C11orf58: variants seen among roughly 807,000 people sequenced by gnomAD.
The protein encoded by C11orf58 is small acidic protein.
In C11orf58, 5 loss-of-function variants were observed where a neutral mutation model predicts 22.7. The ratio of observed to expected loss-of-function variants is 0.22; its 90% CI spans 0.12 to 0.46. The LOEUF is 0.46. C11orf58 is among the 20% of genes least tolerant of loss of function. The pLI, the probability that C11orf58 is intolerant of heterozygous loss-of-function variation, is 0.99. For missense variants in C11orf58, 151 were observed against 223.3 expected, an observed-to-expected ratio of 0.68 and a Z score of 2.06; for synonymous variants, 71 against 70.7, an observed-to-expected ratio of 1.00 and a Z score of -0.02.
At chr11:16,738,944 G>A in intron 1 of C11orf58, 103 bp downstream of exon 1, 1 of 1,291,572 alleles carries the variant, frequency 7.7e-7, no homozygotes, top group Non-Finnish European at 1.1e-6. Flanking sequence ...GGCCTGCAGC[G>A]GGAGAGCCCA....
At chr11:16,744,968 C>T (rs1415300732) in intron 2 of C11orf58, among the ~76,000 whole-genome samples, 1 of 152,094 alleles carries the variant, frequency 6.6e-6, no homozygotes, top group African/African-American at 2.4e-5. Flanking sequence ...TTATGATTTG[C>T]CATATGTTGG....
At chr11:16,742,007 C>T (rs1053836869) in intron 1 of C11orf58, among the ~76,000 whole-genome samples, 2 of 152,176 alleles carry the variant, frequency 1.3e-5, no homozygotes, top group South Asian at 2.1e-4. Flanking sequence ...TTGTCTTCCA[C>T]GAAACTGGTC....
At chr11:16,741,036 C>T (rs1028885321) in intron 1 of C11orf58, among the ~76,000 whole-genome samples, 1 of 149,416 alleles carries the variant, frequency 6.7e-6, no homozygotes, top group Non-Finnish European at 1.5e-5. Context: ...GCGGAGCTTG[C>T]AGTGAGCCAA....
intron 2 of C11orf58, chr11:16,746,641 T>C (rs1394536336): frequency 1.3e-5 from 2 of 152,180 alleles, no homozygotes; most frequent in Non-Finnish European, 2.9e-5. Flanking sequence ...TAATATAAAA[T>C]ATATGGAAGT....
intron 1 of C11orf58, among the ~76,000 whole-genome samples, chr11:16,741,371 A>G (rs1432923816): frequency 6.6e-6 from 1 of 152,216 alleles, no homozygotes; most frequent in Non-Finnish European, 1.5e-5. Context: ...GGTATTAAGG[A>G]TGAAAACAAC....
In C11orf58 at chr11:16,757,413, A is replaced by G. The variant is rs933420898; in HGVS notation, c.*2309A>G. Among the ~76,000 whole-genome samples the G allele has an allele frequency of 3.9e-5, 6 of 152,246 alleles. No individual in the cohort carries two copies. Among genetic ancestry groups the G allele is most frequent in the Non-Finnish European group, 8.8e-5 (6 of 68,048 alleles). On this transcript the variant is annotated 3_prime_UTR_variant, in exon 5 of 5. Transcript: ENST00000228136. The stretch of plus-strand genomic sequence containing the variant: ...ACTTTCTTCATCTCCGTATAGAGAA[A>G]TCCAGATTTCAATTAATTCATTTAT...
intron 2 of C11orf58, chr11:16,747,160 T>C (rs1160037606): frequency 6.6e-6 from 1 of 152,266 alleles, no homozygotes; most frequent in African/African-American, 2.4e-5. Flanking sequence ...ATCTTGTTAA[T>C]GGCTGTCAGT....
rs201105670 is a variant in C11orf58 at position 16,752,541 on chromosome 11, CTTA to C, written c.209-239_209-237del. The C allele has an allele frequency of 4.8e-3, 1,230 of 257,894 alleles. 19 individuals are homozygous for C. The highest frequency in any genetic ancestry group is 0.023 in the African/African-American group (1,038 of 45,050). The allele number at this position is 257,894 out of a possible 1,614,324, so 16.0% of individuals were successfully genotyped here. A position where few individuals can be genotyped will look rare whatever the true frequency, so the allele number is the denominator to read the frequency against. On this transcript the variant is annotated intron_variant, in intron 3 of 4. Coordinates refer to ENST00000228136, the MANE Select transcript of C11orf58 (RefSeq NM_014267.6). ...AAAAAATCTTTCAGGATAACATCTA[CTTA>C]TTATAAGTAAGCTAAAACATTTAAT...
rs1848584920 is a variant in C11orf58, at chr11:16,756,997, G to A, written c.*1893G>A. On this transcript the variant is annotated 3_prime_UTR_variant, in exon 5 of 5. Transcript: ENST00000228136. ...TCTGGTTGATAGACTCTATCTTGCA[G>A]TATATTTATTTCATGTATCAGACCC... 1.3e-5 allele frequency: 2 copies of A among 151,454 alleles called. No homozygotes were observed. The highest frequency in any genetic ancestry group is 4.8e-5 in the African/African-American group (2 of 41,248). 9.4% of individuals were successfully genotyped at this position (151,454 alleles called of 1,614,324 possible).
intron 3 of C11orf58, chr11:16,748,983 A>G (rs1223404077): frequency 1.3e-5 from 2 of 152,170 alleles, no homozygotes; most frequent in East Asian, 3.8e-4. Context: ...TTCTTTGTAT[A>G]TTAGCATATA....
Position 16,754,944 on chromosome 11 carries a change from A to G in C11orf58, c.392A>G (p.Glu131Gly). ...DDDDDDSPDPESPDDSESDSE... is the reference protein window; with the variant it reads ...DDDDDDSPDPGSPDDSESDSE... The stretch of plus-strand genomic sequence containing the variant: ...GACGATGATGATTCACCTGATCCTG[A>G]AAGTCCAGATGATTCTGAAAGCGAT... Residue 131 changes from glutamate (E) to glycine (G), a missense_variant, in exon 5 of 5, where the codon GAA (glutamate) becomes GGA (glycine). This residue lies in a region of C11orf58 where 112 missense variants were observed against 162.6 expected (regional missense o/e 0.69). Coordinates refer to ENST00000228136, the MANE Select transcript of C11orf58 (RefSeq NM_014267.6). The G allele has an allele frequency of 3.1e-6, 5 of 1,614,134 alleles. No individual in the cohort carries two copies. The highest frequency in any genetic ancestry group is 4.2e-6 in the Non-Finnish European group (5 of 1,180,020).
chr11:16,749,994 T>C (rs1564884441), intron 3 of C11orf58: 1 of 152,246 alleles, frequency 6.6e-6, no homozygotes, highest in Non-Finnish European at 1.5e-5. Flanking sequence ...AGTCACAGTT[T>C]TGGTAAGCCC....
At chr11:16,746,692 CTCTT>C (rs1359880882) in intron 2 of C11orf58, 1 of 151,758 alleles carries the variant, frequency 6.6e-6, no homozygotes, top group Non-Finnish European at 1.5e-5. Flanking sequence ...AGATTAAATT[CTCTT>C]TTTTTTGTTG....
intron 3 of C11orf58, chr11:16,752,098 G>A (rs1848537934): frequency 1.3e-5 from 2 of 157,828 alleles, no homozygotes; most frequent in Non-Finnish European, 1.4e-5. Flanking sequence ...GGGTGTCACT[G>A]TCTCCCATCA....
Position 16,758,022 on chromosome 11 carries a change from T to TAA in C11orf58, c.*2918_*2919insAA, listed in dbSNP as rs1473368887. Among the ~76,000 whole-genome samples the TAA allele has an allele frequency of 6.6e-6, 1 of 152,224 alleles. No homozygotes were observed. The highest frequency in any genetic ancestry group is 2.4e-5 in the African/African-American group (1 of 41,456). ...CACACAGGGCTTTGGTTCCATTACT[T>TAA]GTTTCCACCACAGCCACATCCTAAA... On this transcript the variant is annotated 3_prime_UTR_variant, in exon 5 of 5. Coordinates refer to ENST00000228136, the MANE Select transcript of C11orf58 (RefSeq NM_014267.6).
chr11:16,738,987 C>A (rs1848420372), intron 1 of C11orf58, 146 bp downstream of exon 1: 1 of 851,022 alleles, frequency 1.2e-6, no homozygotes, highest in Non-Finnish European at 1.9e-6. Flanking sequence ...TGGGAAATGC[C>A]TCCCTTAATC....
At chr11:16,743,404 C>CT (rs1397406600) in intron 1 of C11orf58, among the ~76,000 whole-genome samples, 1 of 151,986 alleles carries the variant, frequency 6.6e-6, no homozygotes, top group Non-Finnish European at 1.5e-5. Flanking sequence ...TCTTGTTTGT[C>CT]TTTTTTTTCT....
Position 16,755,072 on chromosome 11 carries a change from A to C in C11orf58, c.520A>C (p.Lys174Gln). 1 of 1,614,172 alleles carries C rather than the reference A, an allele frequency of 6.2e-7. No homozygotes were observed. Among genetic ancestry groups the C allele is most frequent in the Non-Finnish European group, 8.5e-7 (1 of 1,180,008 alleles). Residue 174 changes from lysine (K) to glutamine (Q), a missense_variant, in exon 5 of 5, where the codon AAA becomes CAA. Physicochemically the swap from Lys to Gln is moderately conservative, Grantham distance 53. Coordinates refer to ENST00000228136, the MANE Select transcript of C11orf58 (RefSeq NM_014267.6). Reference protein sequence around the residue: ...KNKKDAKSNYKMMFVKSSGS With the variant: ...KNKKDAKSNYQMMFVKSSGS ...CAAAAAAGATGCAAAAAGCAATTAT[A>C]AAATGATGTTTGTTAAATCCAGTGG... is the stretch of plus-strand genomic sequence containing the variant.
intron 1 of C11orf58, among the ~76,000 whole-genome samples, chr11:16,742,312 T>G (rs546358653): frequency 6.6e-6 from 1 of 152,312 alleles, no homozygotes; most frequent in African/African-American, 2.4e-5. Flanking sequence ...TCAAAGGAAG[T>G]CACTTAGCCT....
Sources: allele counts gnomAD v4.1 joint callset (sites outside exome capture counted in the v4.1 genomes callset), GRCh38; gene constraint gnomAD v4.1.1; regional missense constraint gnomAD v4.1.1; transcripts MANE v1.5; gene names NCBI Gene and HGNC (gene_info 2026-07-23, HGNC 2026-07-21).